AP3S1: variants seen among roughly 807,000 people sequenced by gnomAD.
AP3S1 encodes AP-3 complex subunit sigma-1.
Under a neutral mutation model 21.3 loss-of-function variants are expected in AP3S1, and 12 were observed. That is an observed-to-expected ratio of 0.56 (90% CI 0.36 to 0.91). AP3S1 has a LOEUF of 0.91. AP3S1 is among the 40% of genes least tolerant of loss of function. The pLI is 0.01. For missense variants in AP3S1, 116 were observed against 225.0 expected, an observed-to-expected ratio of 0.52 and a Z score of 3.10; for synonymous variants, 48 against 78.4, an observed-to-expected ratio of 0.61 and a Z score of 2.05.
At chr5:115,868,378 G>A (rs1201084186) in intron 2 of AP3S1, among the ~76,000 whole-genome samples, 1 of 152,082 alleles carries the variant, frequency 6.6e-6, no homozygotes, top group African/African-American at 2.4e-5. Flanking sequence ...TGCAGTCATA[G>A]TCTGTAAATA....
intron 5 of AP3S1, among the ~76,000 whole-genome samples, chr5:115,907,809 G>A (rs1321764510): frequency 6.6e-6 from 1 of 152,102 alleles, no homozygotes; most frequent in Non-Finnish European, 1.5e-5. Context: ...TTAACTGTGT[G>A]AATTACTTTT....
chr5:115,862,173 G>T (rs988291059), intron 1 of AP3S1, among the ~76,000 whole-genome samples: 8 of 151,804 alleles, frequency 5.3e-5, no homozygotes, highest in African/African-American at 1.7e-4. Flanking sequence ...TTTGTCTCCT[G>T]GTACAGAGGT....
chr5:115,886,052 A>T (rs1400682771), intron 3 of AP3S1, among the ~76,000 whole-genome samples: 1 of 152,102 alleles, frequency 6.6e-6, no homozygotes, highest in Non-Finnish European at 1.5e-5. Context: ...TGGGTTCTGG[A>T]ATTAGATTTT....
At chr5:115,889,111 A>C (rs1561511384) in intron 3 of AP3S1, among the ~76,000 whole-genome samples, 1 of 152,144 alleles carries the variant, frequency 6.6e-6, no homozygotes, top group Non-Finnish European at 1.5e-5. Flanking sequence ...GGCACACTTA[A>C]TGCTATCACG....
At chr5:115,899,645 C>T (rs1012849507) in intron 4 of AP3S1, among the ~76,000 whole-genome samples, 1 of 151,972 alleles carries the variant, frequency 6.6e-6, no homozygotes, top group Non-Finnish European at 1.5e-5. Flanking sequence ...TCTTCTTGGG[C>T]TTGAAAAGAG....
chr5:115,895,300 C>T (rs1750660385), intron 4 of AP3S1, 142 bp downstream of exon 4: 1 of 555,414 alleles, frequency 1.8e-6, no homozygotes. Context: ...ATGAGCCAGG[C>T]TTTGTGCTTG....
intron 5 of AP3S1, among the ~76,000 whole-genome samples, chr5:115,911,635 C>G (rs1419591032): frequency 6.6e-6 from 1 of 151,948 alleles, no homozygotes; most frequent in Non-Finnish European, 1.5e-5. Flanking sequence ...GATGGTAAAC[C>G]TCTTTGAATT....
chr5:115,886,714 C>T (rs1002851860), intron 3 of AP3S1, among the ~76,000 whole-genome samples: 2 of 152,126 alleles, frequency 1.3e-5, no homozygotes, highest in African/African-American at 4.8e-5. Context: ...CACTGTTGTT[C>T]AAAGATCACC....
chr5:115,857,515 C>A (rs888703029), intron 1 of AP3S1, among the ~76,000 whole-genome samples: 1 of 152,052 alleles, frequency 6.6e-6, no homozygotes, highest in East Asian at 1.9e-4. Flanking sequence ...TATTTACTCT[C>A]CTCCTTTCCT....
rs190983834 is a variant in AP3S1, at chr5:115,853,160, A to G, written c.69+11054A>G. ...TGTTATTGTTGGTTATTTTTATTCT[A>G]GCTGTCCTGATGGGTATCAAGTAGT... On this transcript the variant is annotated intron_variant, in intron 1 of 5. Transcript: ENST00000316788. 5 of 354,278 alleles carry G rather than the reference A, an allele frequency of 1.4e-5. No homozygotes were observed. The Admixed American group carries it at 1.7e-4, about 12-fold the overall frequency. The allele number at this position is 354,278 out of a possible 1,614,324, so 21.9% of individuals were successfully genotyped here. A position where few individuals can be genotyped will look rare whatever the true frequency, so the allele number is the denominator to read the frequency against.
At chr5:115,849,614 C>T (rs1399088479) in intron 1 of AP3S1, among the ~76,000 whole-genome samples, 1 of 152,184 alleles carries the variant, frequency 6.6e-6, no homozygotes. Context: ...AGGAGATACT[C>T]CTCTTTGAAT....
intron 1 of AP3S1, among the ~76,000 whole-genome samples, chr5:115,843,037 G>C (rs1038838099): frequency 2.2e-4 from 33 of 152,318 alleles, no homozygotes; most frequent in African/African-American, 7.7e-4. Flanking sequence ...GAGGCATTAA[G>C]GTAGTAGAGA....
intron 3 of AP3S1, among the ~76,000 whole-genome samples, chr5:115,884,213 A>G (rs1174797418): frequency 6.6e-6 from 1 of 152,210 alleles, no homozygotes; most frequent in Admixed American, 6.5e-5. Flanking sequence ...ATTTTGGCAT[A>G]CTTTCTCAAA....
intron 1 of AP3S1, among the ~76,000 whole-genome samples, chr5:115,865,833 T>C (rs1158328981): frequency 6.6e-6 from 1 of 152,212 alleles, no homozygotes; most frequent in African/African-American, 2.4e-5. Flanking sequence ...AGAATCTCAC[T>C]CTGTCGCCAG....
chr5:115,851,127 G>A (rs747114973), intron 1 of AP3S1, among the ~76,000 whole-genome samples: 15 of 152,142 alleles, frequency 9.9e-5, no homozygotes, highest in Non-Finnish European at 1.8e-4. Flanking sequence ...GGATGTGATT[G>A]CTGTCACATT....
At chr5:115,909,096 A>G (rs944183507) in intron 5 of AP3S1, 3 of 530,614 alleles carry the variant, frequency 5.7e-6, no homozygotes, top group Non-Finnish European at 7.2e-6. Context: ...CTTGAAAAAA[A>G]AAAAGATATT....
At chr5:115,884,463 G>C (rs1002798336) in intron 3 of AP3S1, among the ~76,000 whole-genome samples, 3 of 152,180 alleles carry the variant, frequency 2.0e-5, no homozygotes, top group Admixed American at 1.3e-4. Flanking sequence ...TACTTGGGAG[G>C]CTGAGGCAGG....
chr5:115,900,995 T>C (rs1047650176), intron 4 of AP3S1, among the ~76,000 whole-genome samples: 7 of 152,204 alleles, frequency 4.6e-5, no homozygotes, highest in African/African-American at 1.7e-4. Context: ...GTCTAATAAT[T>C]AATGTTGATT....
At chr5:115,860,278 C>T (rs1352813730) in intron 1 of AP3S1, among the ~76,000 whole-genome samples, 1 of 152,212 alleles carries the variant, frequency 6.6e-6, no homozygotes, top group African/African-American at 2.4e-5. Flanking sequence ...CCTATATAAT[C>T]TGGGATAATA....
Sources: gnomAD v4.1 joint callset for allele counts (sites outside exome capture counted in the v4.1 genomes callset) on GRCh38, gnomAD v4.1.1 for gene constraint, MANE v1.5 for transcripts, NCBI Gene and HGNC (gene_info 2026-07-23, HGNC 2026-07-21) for gene names.